Variants in PCDHGA5 observed in about 807,000 individuals in gnomAD.
PCDHGA5 encodes the protein protocadherin gamma-A5.
PCDHGA5 carries 36 observed loss-of-function variants against 56.7 expected under a neutral mutation model. The observed-to-expected ratio is 0.64, with a 90% CI of 0.49 to 0.84. The LOEUF (loss-of-function observed/expected upper bound fraction) is 0.84. Among genes scored for constraint, PCDHGA5 ranks in the 40% least tolerant of loss-of-function variants. The probability of loss-of-function intolerance (pLI) is 0.00; values close to 1 mark genes in which losing one functional copy is unlikely to be tolerated. For missense variants in PCDHGA5, 1,305 were observed against 1,201.5 expected (o/e 1.09, Z -1.27); for synonymous variants, 563 against 520.2 (o/e 1.08, Z -1.12).
chr5:141,444,525 C>T (rs2098439670), intron 1 of PCDHGA5, among the ~76,000 whole-genome samples: 1 of 152,062 alleles, frequency 6.6e-6, no homozygotes, highest in African/African-American at 2.4e-5. Context: ...GTAGGTGAGA[C>T]AGTGACTGTG....
intron 1 of PCDHGA5, among the ~76,000 whole-genome samples, chr5:141,460,889 G>A (rs901987902): frequency 3.3e-5 from 5 of 150,280 alleles, no homozygotes; most frequent in East Asian, 3.9e-4. Flanking sequence ...ATGCCTTTTC[G>A]TGGCTGAGTA....
At chr5:141,369,597 A>G (rs1199462765) in intron 1 of PCDHGA5, among the ~76,000 whole-genome samples, 1 of 152,230 alleles carries the variant, frequency 6.6e-6, no homozygotes, top group Non-Finnish European at 1.5e-5. Context: ...CTATACTTCT[A>G]TTTTATAAGG....
chr5:141,406,707 T>C (rs1201619018), intron 1 of PCDHGA5, among the ~76,000 whole-genome samples: 1 of 152,228 alleles, frequency 6.6e-6, no homozygotes, highest in Non-Finnish European at 1.5e-5. Flanking sequence ...AGTATATGCT[T>C]GCTCAAGAGA....
intron 1 of PCDHGA5, chr5:141,408,371 A>C (rs2095092452): frequency 6.2e-7 from 1 of 1,613,848 alleles, no homozygotes; most frequent in Non-Finnish European, 8.5e-7. Flanking sequence ...TCTAGGGCTC[A>C]GTGTCCTGGA....
intron 1 of PCDHGA5, chr5:141,414,951 G>A (rs1411406878): frequency 5.6e-6 from 9 of 1,614,092 alleles, no homozygotes; most frequent in Non-Finnish European, 7.6e-6. Flanking sequence ...GCTACCTGGT[G>A]ACCAAGGTGG....
intron 1 of PCDHGA5, among the ~76,000 whole-genome samples, chr5:141,453,492 G>T (rs1046043468): frequency 6.6e-6 from 1 of 152,000 alleles, no homozygotes; most frequent in Non-Finnish European, 1.5e-5. Flanking sequence ...AAAAAAAGGT[G>T]TACTCAGAAA....
At chr5:141,374,338 C>T in intron 1 of PCDHGA5, 1 of 1,613,994 alleles carries the variant, frequency 6.2e-7, no homozygotes, top group Non-Finnish European at 8.5e-7. Context: ...GCAGCTTGGT[C>T]ACCGCGGGTA....
chr5:141,414,283 G>A, intron 1 of PCDHGA5: 1 of 1,613,520 alleles, frequency 6.2e-7, no homozygotes, highest in South Asian at 1.1e-5. Flanking sequence ...GGGAACAGTC[G>A]TAGCCCTTTT....
intron 1 of PCDHGA5, chr5:141,382,870 C>A (rs760530453): frequency 2.0e-6 from 3 of 1,519,788 alleles, no homozygotes; most frequent in East Asian, 4.5e-5. Flanking sequence ...TTCCCGAGAT[C>A]GGCGCCTAAG....
chr5:141,505,341 A>T, intron 2 of PCDHGA5, 52 bp from the exon 3 acceptor site: 1 of 1,612,728 alleles, frequency 6.2e-7, no homozygotes, highest in Non-Finnish European at 8.5e-7. Flanking sequence ...CAGGAGGGGC[A>T]TGAGCTGTGC....
chr5:141,475,577 T>C (rs2099365697), intron 1 of PCDHGA5, among the ~76,000 whole-genome samples: 1 of 152,228 alleles, frequency 6.6e-6, no homozygotes, highest in Non-Finnish European at 1.5e-5. Context: ...ACAAGCCAGA[T>C]TTGTTGGTGT....
intron 1 of PCDHGA5, among the ~76,000 whole-genome samples, chr5:141,444,110 A>C (rs1284415694): frequency 6.7e-6 from 1 of 149,880 alleles, no homozygotes; most frequent in Non-Finnish European, 1.5e-5. Flanking sequence ...AACCAAGAAA[A>C]GTGAAGTATC....
intron 1 of PCDHGA5, chr5:141,423,830 G>A (rs527344048): frequency 5.5e-6 from 7 of 1,273,204 alleles, no homozygotes; most frequent in African/African-American, 3.1e-5. Flanking sequence ...CCTTTCATGA[G>A]ATTACGATAA....
chr5:141,375,150 T>G, intron 1 of PCDHGA5: 1 of 1,613,946 alleles, frequency 6.2e-7, no homozygotes, highest in Non-Finnish European at 8.5e-7. Context: ...AGCAGAACAA[T>G]TGCTGAAAGT....
At chr5:141,383,991 A>C in intron 1 of PCDHGA5, 1 of 1,613,866 alleles carries the variant, frequency 6.2e-7, no homozygotes, top group Non-Finnish European at 8.5e-7. Flanking sequence ...CTCTTGGGAC[A>C]GTCATTGCTC....
intron 1 of PCDHGA5, chr5:141,415,232 C>G (rs1329834276): frequency 3.1e-6 from 5 of 1,614,076 alleles, no homozygotes; most frequent in Non-Finnish European, 4.2e-6. Flanking sequence ...GAGTCTCCAG[C>G]TAACTCTGAA....
intron 1 of PCDHGA5, chr5:141,419,057 A>T: frequency 6.2e-7 from 1 of 1,613,900 alleles, no homozygotes; most frequent in East Asian, 2.2e-5. Flanking sequence ...TTCTTCTAAT[A>T]ATTACTACAA....
chr5:141,391,821 T>G (rs2092426299), intron 1 of PCDHGA5: 1 of 152,220 alleles, frequency 6.6e-6, no homozygotes, highest in African/African-American at 2.4e-5. Flanking sequence ...GTAGGTAAAG[T>G]TAATTTTAGA....
At chr5:141,399,641 C>G in intron 1 of PCDHGA5, 1 of 1,613,852 alleles carries the variant, frequency 6.2e-7, no homozygotes, top group Non-Finnish European at 8.5e-7. Context: ...TCCATGAGCG[C>G]GCAAAGTGGG....
Sources: gnomAD v4.1 joint callset for allele counts (sites outside exome capture counted in the v4.1 genomes callset) on GRCh38, gnomAD v4.1.1 for gene constraint, MANE v1.5 for transcripts, NCBI Gene and HGNC (gene_info 2026-07-23, HGNC 2026-07-21) for gene names.